Variants in DNAH17 observed in about 807,000 individuals in gnomAD.
The protein encoded by DNAH17 is axonemal beta dynein heavy chain 17.
In DNAH17, 376 loss-of-function variants were observed where a neutral mutation model predicts 485.6. The observed-to-expected ratio is 0.77, with a 90% CI of 0.71 to 0.84. The LOEUF (loss-of-function observed/expected upper bound fraction) is 0.84, where lower values mean the gene tolerates loss of function less well. DNAH17 is among the 40% of genes least tolerant of loss of function. DNAH17 has a pLI of 0.00. For synonymous variants in DNAH17, 3,031 were observed against 2,405.9 expected (o/e 1.26, Z -7.60); for missense variants, 6,370 against 5,839.3 (o/e 1.09, Z -2.96).
At position 78,501,849 on chromosome 17, in the gene DNAH17, T is replaced by C. The variant is rs1396734838; in HGVS notation, c.5215A>G (p.Thr1739Ala). 6.2e-7 allele frequency: 1 copy of C among 1,614,016 alleles called. No homozygotes were observed. The highest frequency in any genetic ancestry group is 8.5e-7 in the Non-Finnish European group (1 of 1,179,900). ...GCGTTGAGGTTCCCCATGAGCAGCG[T>C]GATGAGTACGTTCAGCTGGCTAATC... ...KQISQLNVLI[T>A]LLMGNLNAGD... Residue 1739 changes from threonine to alanine, a missense_variant, in exon 34 of 81, where the codon ACG becomes GCG. By Grantham distance (58) the Thr-to-Ala change is moderately conservative. Transcript: ENST00000389840.
intron 58 of DNAH17, among the ~76,000 whole-genome samples, chr17:78,460,962 A>G (rs1242308854): frequency 6.6e-5 from 10 of 152,154 alleles, no homozygotes; most frequent in Non-Finnish European, 1.0e-4. Flanking sequence ...ATGACAAAAA[A>G]AGCACCCAGG....
rs758636610 is a variant in DNAH17 at position 78,529,663 on chromosome 17, C to G, written c.3316G>C (p.Ala1106Pro). Residue 1106 changes from alanine (A) to proline (P), a missense_variant, in exon 22 of 81, where the codon GCC becomes CCC. By Grantham distance (27) the Ala-to-Pro change is conservative (BLOSUM62 -1). Coordinates refer to ENST00000389840, the MANE Select transcript of DNAH17 (RefSeq NM_173628.4). ...AGGGGCTTGGTCAAGCCCATTCTGG[C>G]GACTTTCATGAAGGCTTCCAGGTCA... Reference protein sequence around the residue: ...LADLEAFMKVARMGLTKPLKE... With the variant: ...LADLEAFMKVPRMGLTKPLKE... 1.2e-6 allele frequency: 2 copies of G among 1,613,782 alleles called. No homozygotes were observed. Among genetic ancestry groups the G allele is most frequent in the Admixed American group, 1.7e-5 (1 of 60,002 alleles).
At chr17:78,433,215 C>T (rs2086742692) in intron 75 of DNAH17, among the ~76,000 whole-genome samples, 1 of 152,212 alleles carries the variant, frequency 6.6e-6, no homozygotes, top group Admixed American at 6.5e-5. Flanking sequence ...TGAGTCAAAG[C>T]TTCGTAAGAA....
intron 25 of DNAH17, among the ~76,000 whole-genome samples, chr17:78,518,547 G>T (rs764590819): frequency 6.6e-6 from 1 of 152,198 alleles, no homozygotes; most frequent in African/African-American, 2.4e-5. Flanking sequence ...TATAATTATA[G>T]TTGGAGAGAT....
chr17:78,553,284 T>TG (rs1491458397), intron 14 of DNAH17, among the ~76,000 whole-genome samples: 5 of 34,954 alleles, frequency 1.4e-4, no homozygotes, highest in Non-Finnish European at 2.9e-4. Flanking sequence ...GGTTTTTGTG[T>TG]TTTTTTTTTT....
rs780457717 is a variant in DNAH17 at position 78,434,233 on chromosome 17, C to G, written c.12034-13G>C. ...TCTCCAGGGTGTCCTGTGGGGCACACGCTCCGGTCAGGTATTAGGGAGAGG... is the reference window on the plus strand; with the variant it reads ...TCTCCAGGGTGTCCTGTGGGGCACAGGCTCCGGTCAGGTATTAGGGAGAGG... On this transcript the variant is annotated splice_polypyrimidine_tract_variant and intron_variant, in intron 74 of 80. Coordinates refer to ENST00000389840, the MANE Select transcript of DNAH17 (RefSeq NM_173628.4). 1 of 1,595,728 alleles carries G rather than the reference C, an allele frequency of 6.3e-7. No individual in the cohort carries two copies. Among genetic ancestry groups the G allele is most frequent in the Non-Finnish European group, 8.6e-7 (1 of 1,166,862 alleles).
In DNAH17 at chr17:78,551,517, G is replaced by T. The variant is rs779362436; in HGVS notation, c.2391+18C>A. 6.2e-7 allele frequency: 1 copy of T among 1,611,328 alleles called. No homozygotes were observed. Among genetic ancestry groups the T allele is most frequent in the African/African-American group, 1.3e-5 (1 of 74,902 alleles). On this transcript the variant is annotated intron_variant, in intron 16 of 80. Transcript: ENST00000389840. ...AGGCCCCCACAAAGCCCCACTCTGT[G>T]CTCTGCCCCTTGCTTACCTTCATAG...
chr17:78,468,341 C>T (rs1483828456), intron 55 of DNAH17, among the ~76,000 whole-genome samples: 1 of 152,162 alleles, frequency 6.6e-6, no homozygotes, highest in Admixed American at 6.5e-5. Context: ...TCCGTGGATT[C>T]TGGTATCCAT....
rs562643000 is a variant in DNAH17, at chr17:78,546,823, T to C, written c.2392-2826A>G. Among the ~76,000 whole-genome samples, 66 of 152,252 alleles carry C rather than the reference T, an allele frequency of 4.3e-4. No individual in the cohort carries two copies. In the South Asian group the frequency reaches 9.5e-3, roughly 22 times the overall value. On this transcript the variant is annotated intron_variant, in intron 16 of 80. Coordinates refer to ENST00000389840, the MANE Select transcript of DNAH17 (RefSeq NM_173628.4). The stretch of plus-strand genomic sequence containing the variant: ...TGGGAGGCTGAAGCAGGAGAATCGC[T>C]TGAACCCAGAGGCGGAGGTTGCAGC...
Position 78,475,389 on chromosome 17 carries a change from C to A in DNAH17, c.8400G>T (p.Val2800=), listed in dbSNP as rs1281006428. The change falls in exon 54 of 81, where the codon GTG becomes GTT. Residue 2800 remains valine, a synonymous_variant. Transcript: ENST00000389840. ...LESPRGNALL[V]GVGGSGKQSL... Reference sequence around the variant, plus strand: ...TCTGTTTGCCACTGCCGCCCACCCCCACCAGCAGGGCATTCCCCCGGGGAG... The same window carrying A: ...TCTGTTTGCCACTGCCGCCCACCCCAACCAGCAGGGCATTCCCCCGGGGAG... 1 of 1,614,000 alleles carries A rather than the reference C, an allele frequency of 6.2e-7. No individual in the cohort carries two copies. The highest frequency in any genetic ancestry group is 8.5e-7 in the Non-Finnish European group (1 of 1,179,900).
chr17:78,447,929 T>C (rs2087380111), intron 69 of DNAH17, among the ~76,000 whole-genome samples: 1 of 152,074 alleles, frequency 6.6e-6, no homozygotes, highest in Non-Finnish European at 1.5e-5. Context: ...CCCAGCACTT[T>C]GGGAGGCCGA....
rs2090511572 is a variant in DNAH17 at position 78,507,271 on chromosome 17, G to A, written c.4676+7C>T. On this transcript the variant is annotated splice_region_variant and intron_variant, in intron 29 of 80. Coordinates refer to ENST00000389840, the MANE Select transcript of DNAH17 (RefSeq NM_173628.4). ...ACTCCCCTGGTCTGGATAGGTGTGA[G>A]CCGCACCTCTTCTTCAGGGCCTCCA... is the stretch of plus-strand genomic sequence containing the variant. The A allele has an allele frequency of 1.2e-6, 2 of 1,613,826 alleles. No individual in the cohort carries two copies. The highest frequency in any genetic ancestry group is 1.3e-5 in the African/African-American group (1 of 75,056).
intron 3 of DNAH17, among the ~76,000 whole-genome samples, chr17:78,572,140 G>A (rs934770510): frequency 2.6e-5 from 4 of 152,152 alleles, no homozygotes; most frequent in African/African-American, 9.7e-5. Flanking sequence ...ATCAGTGGAG[G>A]ACTTGCCCAC....
intron 17 of DNAH17, among the ~76,000 whole-genome samples, chr17:78,542,216 T>G (rs1303857991): frequency 6.6e-6 from 1 of 151,694 alleles, no homozygotes; most frequent in Non-Finnish European, 1.5e-5. Context: ...GGTGCAATCT[T>G]GGTTCACTGC....
At chr17:78,443,906 A>G (rs562326531) in intron 71 of DNAH17, among the ~76,000 whole-genome samples, 1 of 152,260 alleles carries the variant, frequency 6.6e-6, no homozygotes, top group Admixed American at 6.5e-5. Flanking sequence ...GGCTACTTGG[A>G]GAAATGAAAA....
Position 78,561,853 on chromosome 17 carries a change from T to G in DNAH17, c.1697A>C (p.Gln566Pro). The part of the protein sequence containing the change: ...LDNAKILYDA[Q>P]MAASEEGNIP... ...GTTCCCCTCCTCGGAGGCCGCCATCTGGGCATCGTACAAGATCTTAGCATT... is the reference window on the plus strand; with the variant it reads ...GTTCCCCTCCTCGGAGGCCGCCATCGGGGCATCGTACAAGATCTTAGCATT... The change falls in exon 12 of 81, where the codon CAG (glutamine) becomes CCG (proline). Residue 566 changes from glutamine to proline, a missense_variant. By Grantham distance (76) the Gln-to-Pro change is moderately conservative (BLOSUM62 -1). Transcript: ENST00000389840. 6.2e-7 allele frequency: 1 copy of G among 1,613,982 alleles called. No homozygotes were observed. The highest frequency in any genetic ancestry group is 8.5e-7 in the Non-Finnish European group (1 of 1,179,876).
At chr17:78,441,329 G>A in intron 71 of DNAH17, 130 bp from the exon 72 acceptor site, 1 of 1,010,658 alleles carries the variant, frequency 9.9e-7, no homozygotes, top group Non-Finnish European at 1.4e-6. Context: ...CAAGGCCTGT[G>A]GCAGGAGAGC....
intron 12 of DNAH17, among the ~76,000 whole-genome samples, chr17:78,561,275 A>T (rs546558606): frequency 5.1e-4 from 73 of 142,534 alleles, no homozygotes; most frequent in African/African-American, 1.9e-3. Flanking sequence ...TACGCCCCCC[A>T]AACAACCACA....
intron 54 of DNAH17, among the ~76,000 whole-genome samples, chr17:78,474,203 G>A (rs1406677183): frequency 6.6e-6 from 1 of 152,216 alleles, no homozygotes; most frequent in African/African-American, 2.4e-5. Flanking sequence ...CTGTCTGAGG[G>A]CCACGTACTG....
Sources: gnomAD v4.1 joint callset for allele counts (sites outside exome capture counted in the v4.1 genomes callset) on GRCh38, gnomAD v4.1.1 for gene constraint, MANE v1.5 for transcripts, NCBI Gene and HGNC (gene_info 2026-07-23, HGNC 2026-07-21) for gene names.